TTC29: variants seen among roughly 807,000 people sequenced by gnomAD.
TTC29 encodes the protein tetratricopeptide repeat domain 29, also known as tetratricopeptide repeat protein 29.
A neutral mutation model predicts 58.1 loss-of-function variants in TTC29; 49 were observed. The observed-to-expected ratio is 0.84, with a 90% CI of 0.67 to 1.07. The LOEUF is 1.07. TTC29 is among the 50% of genes least tolerant of loss of function. The pLI is 0.00. For synonymous variants in TTC29, 209 were observed against 196.8 expected, an observed-to-expected ratio of 1.06 and a Z score of -0.52; for missense variants, 582 against 555.6, an observed-to-expected ratio of 1.05 and a Z score of -0.48.
intron 6 of TTC29, among the ~76,000 whole-genome samples, chr4:146,900,304 A>G (rs995065149): frequency 3.7e-4 from 57 of 152,230 alleles, no homozygotes; most frequent in African/African-American, 1.4e-3. Flanking sequence ...GTTCCAAAAC[A>G]AAATAACACA....
intron 9 of TTC29, among the ~76,000 whole-genome samples, chr4:146,830,419 T>C (rs568913279): frequency 6.6e-6 from 1 of 152,180 alleles, no homozygotes; most frequent in Non-Finnish European, 1.5e-5. Flanking sequence ...CTTATAACCA[T>C]TTTAGAAGCT....
At chr4:146,820,331 G>T in intron 9 of TTC29, 83 bp from the exon 10 acceptor site, 4 of 1,440,624 alleles carry the variant, frequency 2.8e-6, no homozygotes, top group Non-Finnish European at 9.3e-7. Context: ...TGTCTTTGCT[G>T]TAGAAAATGC....
At chr4:146,942,909 T>G (rs917656862) in intron 2 of TTC29, 4 of 304,240 alleles carry the variant, frequency 1.3e-5, no homozygotes, top group Non-Finnish European at 2.4e-5. Flanking sequence ...TTTCCTTGAA[T>G]ACTAAGAACA....
intron 2 of TTC29, among the ~76,000 whole-genome samples, chr4:146,940,170 C>T (rs1736242665): frequency 6.6e-6 from 1 of 152,128 alleles, no homozygotes; most frequent in Non-Finnish European, 1.5e-5. Context: ...TTGATAAATG[C>T]ATTGATGGTT....
chr4:146,863,035 T>G (rs750306323), intron 8 of TTC29, among the ~76,000 whole-genome samples: 2 of 149,870 alleles, frequency 1.3e-5, no homozygotes, highest in African/African-American at 4.9e-5. Flanking sequence ...GTCAGGAGAA[T>G]GGTGTGAACC....
At position 146,707,598 on chromosome 4, in the gene TTC29, T is replaced by C. The variant is rs367911052; in HGVS notation, c.1331-47A>G. 9 of 1,372,212 alleles carry C rather than the reference T, an allele frequency of 6.6e-6. No individual in the cohort carries two copies. The African/African-American group carries it at 8.7e-5, about 13-fold the overall frequency. The allele number at this position is 1,372,212 out of a possible 1,614,324, so 85.0% of individuals were successfully genotyped here. A position where few individuals can be genotyped will look rare whatever the true frequency, so the allele number is the denominator to read the frequency against. ...TTAATAGATTATCATGAACACAGTT[T>C]ATAGTTATTTTGATCTTGAACCTGG... On this transcript the variant is annotated intron_variant, in intron 11 of 12. Transcript: ENST00000325106.
intron 11 of TTC29, among the ~76,000 whole-genome samples, chr4:146,761,138 G>C (rs1043860832): frequency 6.6e-6 from 1 of 151,640 alleles, no homozygotes; most frequent in African/African-American, 2.4e-5. Flanking sequence ...TACAAATATG[G>C]TGCAGTGTTA....
At chr4:146,879,362 G>A (rs1731475158) in intron 6 of TTC29, among the ~76,000 whole-genome samples, 1 of 152,062 alleles carries the variant, frequency 6.6e-6, no homozygotes, top group Non-Finnish European at 1.5e-5. Flanking sequence ...ATTTCCAACT[G>A]TGAATTGGAT....
At position 146,903,577 on chromosome 4, in the gene TTC29, G is replaced by T. The variant is rs757024858; in HGVS notation, c.553C>A (p.His185Asn). The change falls in exon 6 of 13, where the codon CAC becomes AAC. Residue 185 changes from histidine (H) to asparagine (N), a missense_variant. Physicochemically the swap from His to Asn is moderately conservative, Grantham distance 68. Coordinates refer to ENST00000325106, the MANE Select transcript of TTC29 (RefSeq NM_031956.4). ...IDCGKKEAEA[H>N]MHMGLLYEED... The stretch of plus-strand genomic sequence containing the variant: ...TCGTAGAGAAGACCCATATGCATGT[G>T]TGCCTCGGCTTCTTTCTTCCCACAG... 6.2e-7 allele frequency: 1 copy of T among 1,612,256 alleles called. No individual in the cohort carries two copies. The highest frequency in any genetic ancestry group is 8.5e-7 in the Non-Finnish European group (1 of 1,179,122).
intron 10 of TTC29, among the ~76,000 whole-genome samples, chr4:146,815,915 C>T (rs1751367888): frequency 3.9e-5 from 6 of 152,126 alleles, no homozygotes; most frequent in Admixed American, 3.9e-4. Flanking sequence ...ACATTGCTAA[C>T]CAATATTTTC....
At chr4:146,860,727 C>T (rs751488462) in intron 8 of TTC29, among the ~76,000 whole-genome samples, 4 of 152,104 alleles carry the variant, frequency 2.6e-5, no homozygotes, top group Admixed American at 1.3e-4. Context: ...TTTCAGACTG[C>T]GGTTGACCAC....
intron 11 of TTC29, among the ~76,000 whole-genome samples, chr4:146,721,305 C>A (rs1743335679): frequency 6.6e-6 from 1 of 152,076 alleles, no homozygotes; most frequent in African/African-American, 2.4e-5. Flanking sequence ...TGTGTTAGAG[C>A]ATGTTTTCTC....
chr4:146,782,480 T>A (rs1451106911), intron 11 of TTC29, among the ~76,000 whole-genome samples: 2 of 151,934 alleles, frequency 1.3e-5, no homozygotes, highest in East Asian at 3.8e-4. Context: ...AGGAATGAAA[T>A]GTTTATCTTG....
At chr4:146,925,332 C>T (rs1370593274) in intron 4 of TTC29, among the ~76,000 whole-genome samples, 1 of 152,048 alleles carries the variant, frequency 6.6e-6, no homozygotes, top group African/African-American at 2.4e-5. Context: ...TCTACTTCTC[C>T]TCTTCTTTCT....
chr4:146,876,497 T>C (rs935451678), intron 6 of TTC29, among the ~76,000 whole-genome samples: 1 of 152,232 alleles, frequency 6.6e-6, no homozygotes, highest in Non-Finnish European at 1.5e-5. Flanking sequence ...GCTACTTCCA[T>C]GACTATTGCA....
At chr4:146,734,405 A>G (rs149018910) in intron 11 of TTC29, among the ~76,000 whole-genome samples, 43 of 152,218 alleles carry the variant, frequency 2.8e-4, no homozygotes, top group African/African-American at 1.0e-3. Context: ...AACATTTGCA[A>G]TGTCCTTATA....
intron 11 of TTC29, among the ~76,000 whole-genome samples, chr4:146,714,860 A>T (rs1742810688): frequency 6.6e-6 from 1 of 152,134 alleles, no homozygotes; most frequent in African/African-American, 2.4e-5. Context: ...AAATGGAAGG[A>T]TGTAATTGTA....
chr4:146,800,502 T>A (rs1208822370), intron 11 of TTC29, among the ~76,000 whole-genome samples: 1 of 152,364 alleles, frequency 6.6e-6, no homozygotes, highest in South Asian at 2.1e-4. Flanking sequence ...AAGGCAAAAG[T>A]TGAAAACTTA....
chr4:146,728,977 T>C (rs1230363754), intron 11 of TTC29, among the ~76,000 whole-genome samples: 1 of 150,956 alleles, frequency 6.6e-6, no homozygotes, highest in Non-Finnish European at 1.5e-5. Flanking sequence ...TGTTTTCTGC[T>C]GTATCCCCAG....
Sources: gnomAD v4.1 joint callset for allele counts (sites outside exome capture counted in the v4.1 genomes callset) on GRCh38, gnomAD v4.1.1 for gene constraint, MANE v1.5 for transcripts, NCBI Gene and HGNC (gene_info 2026-07-23, HGNC 2026-07-21) for gene names.